The following SLC25A43 variants were observed in gnomAD, a reference collection of about 807,000 sequenced individuals.
The protein encoded by SLC25A43 is solute carrier family 25, member 43.
Under a neutral mutation model 22.8 loss-of-function variants are expected in SLC25A43, and 10 were observed. That is an observed-to-expected ratio of 0.44 (90% CI 0.27 to 0.74). The LOEUF is 0.74. Ranked by LOEUF, SLC25A43 falls within the 30% of genes least tolerant of loss-of-function variation. The pLI is 0.17. For synonymous variants in SLC25A43, 106 were observed against 121.6 expected (o/e 0.87, Z 0.84); for missense variants, 233 against 279.1 (o/e 0.83, Z 1.18).
chrX:119,410,321 A>T lies in SLC25A43; in HGVS notation c.649A>T (p.Thr217Ser). The T allele has an allele frequency of 8.3e-7, 1 of 1,210,392 alleles. No individual in the cohort carries two copies. Among genetic ancestry groups the T allele is most frequent in the Non-Finnish European group, 1.1e-6 (1 of 895,146 alleles). ...CTGTCTGGCTGCTGCAGTGACCCAG[A>T]CCCTCTCCTTTCCCTTTGAGACCGT... Reference protein sequence around the residue: ...NVCLAAAVTQTLSFPFETVKR... With the variant: ...NVCLAAAVTQSLSFPFETVKR... Residue 217 changes from threonine (T) to serine (S), a missense_variant, in exon 3 of 5, where the codon ACC (threonine) becomes TCC (serine). Thr to Ser is a moderately conservative substitution (Grantham distance 58). Transcript: ENST00000217909.
At chrX:119,399,764 G>C (rs2052220570) in intron 1 of SLC25A43, 86 bp downstream of exon 1, 16 of 939,464 alleles carry the variant, frequency 1.7e-5, no homozygotes, top group African/African-American at 2.0e-5. Context: ...CTGCTGCCTG[G>C]ACTCGGGGCC....
chrX:119,426,797 G>A (rs1260567601), intron 3 of SLC25A43, among the ~76,000 whole-genome samples: 1 of 94,761 alleles, frequency 1.1e-5, no homozygotes, highest in Non-Finnish European at 2.1e-5. Context: ...CAGCCTGGGC[G>A]ACAGAGTGAA....
intron 1 of SLC25A43, among the ~76,000 whole-genome samples, chrX:119,400,212 T>A (rs1431637623): frequency 9.1e-6 from 1 of 110,393 alleles, no homozygotes; most frequent in Admixed American, 9.7e-5. Context: ...CCAACTTAAA[T>A]GAAGCTTGAC....
At chrX:119,421,619 A>G (rs747991935) in intron 3 of SLC25A43, among the ~76,000 whole-genome samples, 1 of 111,997 alleles carries the variant, frequency 8.9e-6, no homozygotes, top group South Asian at 3.7e-4. Context: ...TGTCTCAGTG[A>G]TGGCTGTCTT....
At chrX:119,417,709 C>A (rs2052417174) in intron 3 of SLC25A43, among the ~76,000 whole-genome samples, 1 of 106,389 alleles carries the variant, frequency 9.4e-6, no homozygotes, top group African/African-American at 3.5e-5. Context: ...GGGAGCCTTC[C>A]AAATAATGCA....
chrX:119,428,790 C>G (rs2052529784), intron 3 of SLC25A43, among the ~76,000 whole-genome samples: 2 of 112,071 alleles, frequency 1.8e-5, no homozygotes, highest in African/African-American at 6.5e-5. Flanking sequence ...GCCCCGCCTC[C>G]TGTCAGATCA....
chrX:119,452,110 G>A lies in SLC25A43; in HGVS notation c.792G>A (p.Gly264=). 3 of 1,203,349 alleles carry A rather than the reference G, an allele frequency of 2.5e-6. No individual in the cohort carries two copies. The highest frequency in any genetic ancestry group is 1.7e-5 in the African/African-American group (1 of 57,347). ...TAGTGAAGGCCCAGGGGGTCCTGGGGCTCTGGAATGGATTGACAGCCAATT... is the reference window on the plus strand; with the variant it reads ...TAGTGAAGGCCCAGGGGGTCCTGGGACTCTGGAATGGATTGACAGCCAATT... ...RQIVKAQGVL[G]LWNGLTANLL... is the part of the protein sequence containing the mutation. The change falls in exon 4 of 5, where the codon GGG becomes GGA. Residue 264 remains glycine (G), a synonymous_variant. Coordinates refer to ENST00000217909, the MANE Select transcript of SLC25A43 (RefSeq NM_145305.3).
In SLC25A43 at chrX:119,453,895, T is replaced by C. The variant is rs1362095170; in HGVS notation, c.*830T>C. ...ACACCACAGTGTAAATTATGCCTTA[T>C]CAGAATCTAAATGAAAATAGCGAAC... On this transcript the variant is annotated 3_prime_UTR_variant, in exon 5 of 5. Coordinates refer to ENST00000217909, the MANE Select transcript of SLC25A43 (RefSeq NM_145305.3). 2 of 112,581 alleles carry C rather than the reference T, an allele frequency of 1.8e-5. No homozygotes were observed. Among genetic ancestry groups the C allele is most frequent in the Non-Finnish European group, 3.8e-5 (2 of 53,333 alleles). The allele number at this position is 112,581 out of a possible 1,213,427, so 9.3% of individuals were successfully genotyped here. A position where few individuals can be genotyped will look rare whatever the true frequency, so the allele number is the denominator to read the frequency against.
intron 3 of SLC25A43, among the ~76,000 whole-genome samples, chrX:119,444,560 A>G (rs1210970412): frequency 7.3e-5 from 8 of 109,378 alleles, no homozygotes; most frequent in Non-Finnish European, 9.5e-5. Context: ...AAAAAAAGCC[A>G]GGCATGGTGG....
At chrX:119,411,228 C>T (rs1026546150) in intron 3 of SLC25A43, among the ~76,000 whole-genome samples, 1 of 111,612 alleles carries the variant, frequency 9.0e-6, no homozygotes, top group Non-Finnish European at 1.9e-5. Context: ...AGGCCGGGCA[C>T]GGTGGCTCAT....
At position 119,410,266 on chromosome X, in the gene SLC25A43, G is replaced by T; in HGVS notation, c.594G>T (p.Gln198His). 8.3e-7 allele frequency: 1 copy of T among 1,211,171 alleles called. No homozygotes were observed. ...LEKIWNGPRD[Q>H]FSLPQNFANV... is the part of the protein sequence containing the mutation. ...AAATCTGGAACGGACCCCGAGATCA[G>T]TTCTCTCTCCCACAGAACTTTGCTA... Residue 198 changes from glutamine (Q) to histidine (H), a missense_variant, in exon 3 of 5, where the codon CAG becomes CAT. Physicochemically the swap from Gln to His is conservative, Grantham distance 24 (BLOSUM62 0). Transcript: ENST00000217909.
intron 3 of SLC25A43, among the ~76,000 whole-genome samples, chrX:119,415,312 C>T (rs1056401240): frequency 9.0e-6 from 1 of 111,035 alleles, no homozygotes; most frequent in Non-Finnish European, 1.9e-5. Context: ...CTCAAGCAAT[C>T]CTACCCATCT....
intron 3 of SLC25A43, among the ~76,000 whole-genome samples, chrX:119,416,596 G>A (rs1247552580): frequency 3.6e-5 from 4 of 112,057 alleles, no homozygotes; most frequent in South Asian, 3.7e-4. Context: ...GATTATTTTC[G>A]GGCATTTGTT....
At chrX:119,424,277 A>G (rs561204947) in intron 3 of SLC25A43, among the ~76,000 whole-genome samples, 1 of 111,387 alleles carries the variant, frequency 9.0e-6, no homozygotes, top group South Asian at 3.7e-4. Flanking sequence ...TGGTCACTTA[A>G]TGTATACAAG....
chrX:119,420,562 C>T (rs1436508465), intron 3 of SLC25A43, among the ~76,000 whole-genome samples: 1 of 111,305 alleles, frequency 9.0e-6, no homozygotes, highest in Non-Finnish European at 1.9e-5. Flanking sequence ...CCCGCTTTGA[C>T]CTCCCAAAGT....
chrX:119,402,354 G>A (rs757932980), intron 1 of SLC25A43, among the ~76,000 whole-genome samples: 25 of 111,697 alleles, frequency 2.2e-4, no homozygotes, highest in Non-Finnish European at 3.8e-4. Context: ...TTGGATTGAC[G>A]ATCAAGAGTC....
At chrX:119,413,345 T>A (rs762828890) in intron 3 of SLC25A43, among the ~76,000 whole-genome samples, 1 of 111,395 alleles carries the variant, frequency 9.0e-6, no homozygotes, top group East Asian at 2.8e-4. Context: ...ATAAACACAC[T>A]CACACACATA....
chrX:119,405,893 A>G (rs1219092646), intron 1 of SLC25A43, among the ~76,000 whole-genome samples: 1 of 111,834 alleles, frequency 8.9e-6, no homozygotes. Context: ...TTAGCTGGGC[A>G]TGGTGGCGTG....
chrX:119,451,387 G>T (rs2052706783), intron 3 of SLC25A43, among the ~76,000 whole-genome samples: 1 of 111,674 alleles, frequency 9.0e-6, no homozygotes, highest in South Asian at 3.7e-4. Flanking sequence ...GCGAGGCTAG[G>T]AGAGGGTGAG....
Sources: allele counts gnomAD v4.1 joint callset (sites outside exome capture counted in the v4.1 genomes callset), GRCh38; gene constraint gnomAD v4.1.1; transcripts MANE v1.5; gene names NCBI Gene and HGNC (gene_info 2026-07-23, HGNC 2026-07-21).